Variants in TBCK observed in about 807,000 individuals in gnomAD.
TBCK encodes the protein TBC domain-containing protein kinase-like protein.
In TBCK, 99 loss-of-function variants were observed where a neutral mutation model predicts 113.4. The observed-to-expected ratio is 0.87, with a 90% CI of 0.74 to 1.03. The LOEUF (loss-of-function observed/expected upper bound fraction) is 1.03. Ranked by LOEUF, TBCK falls within the 50% of genes least tolerant of loss-of-function variation. The pLI, the probability that TBCK is intolerant of heterozygous loss-of-function variation, is 0.00. For synonymous variants in TBCK, 369 were observed against 370.8 expected, an observed-to-expected ratio of 1.00 and a Z score of 0.05; for missense variants, 1,045 against 1,061.3, an observed-to-expected ratio of 0.98 and a Z score of 0.21.
In TBCK at chr4:106,067,664, T is replaced by A. The variant is rs1167326671; in HGVS notation, c.2572-20984A>T. On this transcript the variant is annotated intron_variant, in intron 25 of 25. Transcript: ENST00000394708. ...AGTCTTTGGTCCATTTTGAGTTAAA[T>A]TTTATATATGGTTTAATGTAAGGGT... Among the ~76,000 whole-genome samples, 3 of 152,300 alleles carry A rather than the reference T, an allele frequency of 2.0e-5. No individual in the cohort carries two copies. In the East Asian group the frequency reaches 5.8e-4, roughly 29 times the overall value.
At chr4:106,216,018 C>T (rs1477824540) in intron 19 of TBCK, among the ~76,000 whole-genome samples, 1 of 149,804 alleles carries the variant, frequency 6.7e-6, no homozygotes, top group Admixed American at 6.6e-5. Flanking sequence ...CAAACTATCT[C>T]TCAGACCACA....
intron 23 of TBCK, among the ~76,000 whole-genome samples, chr4:106,160,551 G>T (rs1345654686): frequency 1.3e-5 from 2 of 151,268 alleles, no homozygotes; most frequent in African/African-American, 4.8e-5. Flanking sequence ...ACTACAATGA[G>T]ATTCCACTGC....
intron 23 of TBCK, among the ~76,000 whole-genome samples, chr4:106,123,008 G>A (rs1215310889): frequency 2.0e-5 from 3 of 152,210 alleles, no homozygotes; most frequent in Non-Finnish European, 4.4e-5. Flanking sequence ...TCAACATAGT[G>A]TTGGAAGTTC....
At chr4:106,159,523 T>C (rs1305541827) in intron 23 of TBCK, among the ~76,000 whole-genome samples, 5 of 152,004 alleles carry the variant, frequency 3.3e-5, no homozygotes, top group African/African-American at 1.2e-4. Context: ...ATGAAGACAA[T>C]TTGATTTACA....
intron 19 of TBCK, 47 bp from the exon 20 acceptor site, chr4:106,212,882 C>T: frequency 2.6e-6 from 3 of 1,147,640 alleles, no homozygotes; most frequent in East Asian, 2.4e-5. Context: ...CACAGTACTC[C>T]AAGAACATTA....
intron 25 of TBCK, among the ~76,000 whole-genome samples, chr4:106,055,336 C>G (rs750892221): frequency 6.6e-6 from 1 of 151,480 alleles, no homozygotes; most frequent in South Asian, 2.1e-4. Context: ...TCTTCATGAA[C>G]AATTATAAAT....
At chr4:106,147,908 T>C (rs1748007619) in intron 23 of TBCK, among the ~76,000 whole-genome samples, 1 of 152,192 alleles carries the variant, frequency 6.6e-6, no homozygotes, top group African/African-American at 2.4e-5. Flanking sequence ...ATTGCTGAAT[T>C]CTTTTTCTCA....
intron 22 of TBCK, among the ~76,000 whole-genome samples, chr4:106,187,619 T>C (rs1283831646): frequency 6.6e-6 from 1 of 152,164 alleles, no homozygotes; most frequent in Non-Finnish European, 1.5e-5. Context: ...TTTCAACATA[T>C]TGATCAGGCT....
chr4:106,308,986 T>C lies in TBCK; in HGVS notation c.-26A>G, dbSNP rs887874792. The C allele has an allele frequency of 1.9e-6, 3 of 1,592,254 alleles. No homozygotes were observed. The highest frequency in any genetic ancestry group is 1.7e-6 in the Non-Finnish European group (2 of 1,169,162). ...TTTTGGAGTCCTAGGTCTTCTAAGA[T>C]AATCTGGAAAAGGAGAGAATTTTAG... On this transcript the variant is annotated 5_prime_UTR_variant, in exon 2 of 26. Transcript: ENST00000394708.
At chr4:106,244,585 A>G in intron 11 of TBCK, 41 bp downstream of exon 11, 1 of 1,447,206 alleles carries the variant, frequency 6.9e-7, no homozygotes, top group South Asian at 1.4e-5. Flanking sequence ...ATTACCATGT[A>G]TTTATTTATT....
Position 106,130,467 on chromosome 4 carries a change from CA to C in TBCK, c.2236-14090del, listed in dbSNP as rs575135281. Among the ~76,000 whole-genome samples the C allele has an allele frequency of 4.2e-3, 645 of 151,874 alleles. 4 individuals carry two copies. The highest frequency in any genetic ancestry group is 6.1e-3 in the Non-Finnish European group (413 of 67,904). Reference sequence around the variant, plus strand: ...CATTCACCAATTAAAACTATGTTTACAAAAAATATTTCCTAATGAAGAAAAT... The same window carrying C: ...CATTCACCAATTAAAACTATGTTTACAAAAATATTTCCTAATGAAGAAAAT... On this transcript the variant is annotated intron_variant, in intron 23 of 25. Transcript: ENST00000394708.
At chr4:106,160,342 A>T (rs922470707) in intron 23 of TBCK, among the ~76,000 whole-genome samples, 1 of 151,992 alleles carries the variant, frequency 6.6e-6, no homozygotes, top group African/African-American at 2.4e-5. Flanking sequence ...GGCAACCTAC[A>T]GAATGAAATA....
intron 22 of TBCK, among the ~76,000 whole-genome samples, chr4:106,175,452 C>G (rs941275708): frequency 6.6e-6 from 1 of 151,084 alleles, no homozygotes; most frequent in Non-Finnish European, 1.5e-5. Context: ...TTAGAAGACT[C>G]CTAAGTAAGA....
At chr4:106,176,724 G>C (rs937567893) in intron 22 of TBCK, among the ~76,000 whole-genome samples, 1 of 151,792 alleles carries the variant, frequency 6.6e-6, no homozygotes, top group Non-Finnish European at 1.5e-5. Context: ...ATCTTATGGT[G>C]CTTCTATTTC....
chr4:106,111,381 C>T (rs1016497629), intron 24 of TBCK, among the ~76,000 whole-genome samples: 1 of 152,214 alleles, frequency 6.6e-6, no homozygotes, highest in African/African-American at 2.4e-5. Flanking sequence ...TCGAGACTGG[C>T]CTATAATCAT....
chr4:106,217,525 G>C (rs1276442148), intron 19 of TBCK, among the ~76,000 whole-genome samples: 1 of 152,054 alleles, frequency 6.6e-6, no homozygotes, highest in Non-Finnish European at 1.5e-5. Flanking sequence ...CAAAGTCTCA[G>C]GATACAAAAT....
At chr4:106,047,564 C>G (rs1308720624) in intron 25 of TBCK, among the ~76,000 whole-genome samples, 1 of 152,176 alleles carries the variant, frequency 6.6e-6, no homozygotes, top group Non-Finnish European at 1.5e-5. Context: ...ACTTCCTTCT[C>G]TAGAAGCTAA....
intron 20 of TBCK, among the ~76,000 whole-genome samples, chr4:106,212,504 C>A (rs1177775158): frequency 6.6e-6 from 1 of 152,100 alleles, no homozygotes; most frequent in Non-Finnish European, 1.5e-5. Flanking sequence ...CAGTTTAATA[C>A]AACACTATCA....
At chr4:106,051,008 G>A (rs150153270) in intron 25 of TBCK, among the ~76,000 whole-genome samples, 2 of 152,078 alleles carry the variant, frequency 1.3e-5, no homozygotes, top group East Asian at 3.9e-4. Context: ...TCTTTATCTT[G>A]CATCTGAACT....
Sources: gnomAD v4.1 joint callset for allele counts (sites outside exome capture counted in the v4.1 genomes callset) on GRCh38, gnomAD v4.1.1 for gene constraint, MANE v1.5 for transcripts, NCBI Gene and HGNC (gene_info 2026-07-23, HGNC 2026-07-21) for gene names.